PACRG: variants seen among roughly 807,000 people sequenced by gnomAD.
PACRG encodes the protein parkin coregulated gene protein.
In PACRG, 29 loss-of-function variants were observed where a neutral mutation model predicts 29.7. The observed-to-expected ratio is 0.98, with a 90% CI of 0.73 to 1.33. The LOEUF (loss-of-function observed/expected upper bound fraction) is 1.33. Ranked by LOEUF, PACRG falls within the 40% of genes most tolerant of loss-of-function variation. The probability of loss-of-function intolerance (pLI) is 0.00; values close to 1 mark genes in which losing one functional copy is unlikely to be tolerated. For synonymous variants in PACRG, 116 were observed against 118.7 expected, an observed-to-expected ratio of 0.98 and a Z score of 0.15; for missense variants, 279 against 316.2, an observed-to-expected ratio of 0.88 and a Z score of 0.89.
At chr6:162,907,987 A>C (rs1796048433) in intron 2 of PACRG, among the ~76,000 whole-genome samples, 1 of 152,164 alleles carries the variant, frequency 6.6e-6, no homozygotes, top group Non-Finnish European at 1.5e-5. Context: ...GTGATATTGC[A>C]ACAAAAGGAC....
At chr6:162,803,486 G>A (rs1786053895) in intron 1 of PACRG, among the ~76,000 whole-genome samples, 1 of 151,946 alleles carries the variant, frequency 6.6e-6, no homozygotes, top group Non-Finnish European at 1.5e-5. Context: ...AGCACACAGA[G>A]GAATCAACTA....
intron 2 of PACRG, among the ~76,000 whole-genome samples, chr6:163,014,603 A>G (rs1277686987): frequency 6.6e-6 from 1 of 151,968 alleles, no homozygotes. Flanking sequence ...TTCTCTAATA[A>G]TTACTGACAT....
intron 2 of PACRG, among the ~76,000 whole-genome samples, chr6:162,885,753 T>C (rs574067842): frequency 6.6e-6 from 1 of 152,174 alleles, no homozygotes; most frequent in East Asian, 1.9e-4. Flanking sequence ...TGTGTGTGTG[T>C]GTGCGTGCAC....
intron 2 of PACRG, among the ~76,000 whole-genome samples, chr6:162,872,603 A>C (rs1444950141): frequency 1.3e-5 from 2 of 152,242 alleles, no homozygotes; most frequent in African/African-American, 4.8e-5. Flanking sequence ...CTTCCCTAAA[A>C]ATTGTAATAA....
intron 4 of PACRG, among the ~76,000 whole-genome samples, chr6:163,184,224 T>C (rs1779808561): frequency 6.6e-6 from 1 of 152,250 alleles, no homozygotes; most frequent in Admixed American, 6.5e-5. Flanking sequence ...AGTGCTAATA[T>C]GCAGGATGCA....
chr6:163,052,398 G>A (rs191102528), intron 2 of PACRG, among the ~76,000 whole-genome samples: 47 of 152,292 alleles, frequency 3.1e-4, no homozygotes, highest in African/African-American at 9.4e-4. Context: ...TAGAAGCAAG[G>A]ATATGGAAAG....
chr6:163,048,445 T>C (rs1809640395), intron 2 of PACRG, among the ~76,000 whole-genome samples: 1 of 152,212 alleles, frequency 6.6e-6, no homozygotes, highest in African/African-American at 2.4e-5. Context: ...GGCATTTCTG[T>C]GATATGGCCT....
chr6:163,139,752 T>C (rs889179821), intron 4 of PACRG, among the ~76,000 whole-genome samples: 1 of 152,192 alleles, frequency 6.6e-6, no homozygotes, highest in Admixed American at 6.5e-5. Flanking sequence ...AAAACTGCAG[T>C]TACTTCTGCC....
At chr6:162,809,352 C>A (rs1394448050) in intron 1 of PACRG, among the ~76,000 whole-genome samples, 1 of 152,054 alleles carries the variant, frequency 6.6e-6, no homozygotes, top group Non-Finnish European at 1.5e-5. Context: ...ACAGAGGATA[C>A]CAGAGACTTA....
intron 1 of PACRG, among the ~76,000 whole-genome samples, chr6:162,813,127 AT>A (rs535580136): frequency 5.3e-4 from 80 of 152,058 alleles, no homozygotes; most frequent in Non-Finnish European, 9.0e-4. Context: ...TATTTATTGT[AT>A]GTTATTTAGA....
intron 3 of PACRG, among the ~76,000 whole-genome samples, chr6:163,067,647 C>T (rs747151667): frequency 3.3e-5 from 5 of 152,082 alleles, no homozygotes; most frequent in Non-Finnish European, 7.4e-5. Flanking sequence ...GTTGTTTCCA[C>T]GAAGGATTGG....
At chr6:163,279,708 TC>T (rs1167930169) in intron 4 of PACRG, among the ~76,000 whole-genome samples, 1 of 152,172 alleles carries the variant, frequency 6.6e-6, no homozygotes, top group African/African-American at 2.4e-5. Context: ...TGAATATCCT[TC>T]CTCTAATAAT....
chr6:163,104,272 CT>C (rs1309619926), intron 4 of PACRG, among the ~76,000 whole-genome samples: 2 of 152,286 alleles, frequency 1.3e-5, no homozygotes, highest in East Asian at 3.9e-4. Context: ...AATCTTCTAA[CT>C]TTGTTCCACT....
At chr6:162,969,234 C>G (rs1801322146) in intron 2 of PACRG, among the ~76,000 whole-genome samples, 1 of 151,984 alleles carries the variant, frequency 6.6e-6, no homozygotes, top group Non-Finnish European at 1.5e-5. Context: ...TATATTACTG[C>G]TCAGGTTCAA....
At chr6:163,283,254 G>C (rs1784279056) in intron 4 of PACRG, among the ~76,000 whole-genome samples, 1 of 152,144 alleles carries the variant, frequency 6.6e-6, no homozygotes, top group African/African-American at 2.4e-5. Context: ...TTTAGTGTCT[G>C]AGCTTTCCAG....
chr6:162,819,079 T>G (rs1228286652), intron 2 of PACRG, among the ~76,000 whole-genome samples: 1 of 152,156 alleles, frequency 6.6e-6, no homozygotes, highest in African/African-American at 2.4e-5. Context: ...CCAGAGGCCT[T>G]TCTGCGTTCT....
At chr6:162,880,189 C>T (rs1793715550) in intron 2 of PACRG, among the ~76,000 whole-genome samples, 1 of 152,190 alleles carries the variant, frequency 6.6e-6, no homozygotes. Context: ...TTTGTTGTCC[C>T]TGTATAAAAT....
chr6:162,830,355 A>G (rs1371008785), intron 2 of PACRG, among the ~76,000 whole-genome samples: 1 of 152,162 alleles, frequency 6.6e-6, no homozygotes, highest in African/African-American at 2.4e-5. Flanking sequence ...CCACTCACCC[A>G]CATGGCTCCA....
chr6:162,746,404 A>G (rs986199810), intron 1 of PACRG, among the ~76,000 whole-genome samples: 1 of 152,228 alleles, frequency 6.6e-6, no homozygotes, highest in African/African-American at 2.4e-5. Flanking sequence ...TATATGATGT[A>G]GTGATTATAG....
Sources: allele counts gnomAD v4.1 joint callset (sites outside exome capture counted in the v4.1 genomes callset), GRCh38; gene constraint gnomAD v4.1.1; transcripts MANE v1.5; gene names NCBI Gene and HGNC (gene_info 2026-07-23, HGNC 2026-07-21).